The following CACNA2D1 variants were observed in gnomAD, a reference collection of about 807,000 sequenced individuals.
The protein encoded by CACNA2D1 is calcium voltage-gated channel auxiliary subunit alpha2delta 1.
A neutral mutation model predicts 171.5 loss-of-function variants in CACNA2D1; 53 were observed. That is an observed-to-expected ratio of 0.31 (90% CI 0.25 to 0.39). The LOEUF is 0.39. Among genes scored for constraint, CACNA2D1 ranks in the 10% least tolerant of loss-of-function variants. CACNA2D1 has a pLI of 1.00. For synonymous variants in CACNA2D1, 442 were observed against 443.1 expected (o/e 1.00, Z 0.03); for missense variants, 903 against 1,299.8 (o/e 0.69, Z 4.69).
intron 2 of CACNA2D1, among the ~76,000 whole-genome samples, chr7:82,342,353 C>T (rs1198533204): frequency 6.6e-6 from 1 of 152,090 alleles, no homozygotes; most frequent in Non-Finnish European, 1.5e-5. Context: ...ACGTAACCAG[C>T]GCATAGCACA....
intron 4 of CACNA2D1, among the ~76,000 whole-genome samples, chr7:82,139,968 A>ATTC (rs1469891131): frequency 1.9e-4 from 28 of 149,712 alleles, no homozygotes; most frequent in Non-Finnish European, 3.3e-4. Flanking sequence ...TATTATTATT[A>ATTC]TTATTATTAA....
intron 6 of CACNA2D1, among the ~76,000 whole-genome samples, chr7:82,087,074 T>A (rs1168826504): frequency 6.6e-6 from 1 of 152,152 alleles, no homozygotes; most frequent in Admixed American, 6.5e-5. Context: ...ATTCCCAGAC[T>A]AGGCACTAGA....
intron 1 of CACNA2D1, among the ~76,000 whole-genome samples, chr7:82,410,263 G>T (rs1827504098): frequency 2.0e-5 from 3 of 152,162 alleles, no homozygotes; most frequent in Admixed American, 2.0e-4. Flanking sequence ...ACAAGAAAAG[G>T]TATGTTTGTG....
chr7:82,181,040 G>GTTTTTTTTTTTTT (rs1797073500), intron 3 of CACNA2D1, among the ~76,000 whole-genome samples: 1 of 45,946 alleles, frequency 2.2e-5, no homozygotes, highest in African/African-American at 6.4e-5. Flanking sequence ...GGGCATGTCG[G>GTTTTTTTTTTTTT]ATTTTTTTTT....
chr7:82,046,503 G>A (rs1804575724), intron 10 of CACNA2D1, among the ~76,000 whole-genome samples: 1 of 152,136 alleles, frequency 6.6e-6, no homozygotes, highest in Non-Finnish European at 1.5e-5. Flanking sequence ...ACCAAGTCTA[G>A]TCCAGGCCTT....
intron 3 of CACNA2D1, among the ~76,000 whole-genome samples, chr7:82,193,704 C>G (rs191773562): frequency 6.6e-6 from 1 of 152,094 alleles, no homozygotes; most frequent in African/African-American, 2.4e-5. Context: ...TTCCCCCCAA[C>G]AAGCGAAATT....
intron 3 of CACNA2D1, among the ~76,000 whole-genome samples, chr7:82,222,407 A>G (rs1801865732): frequency 2.0e-5 from 3 of 152,270 alleles, no homozygotes; most frequent in African/African-American, 7.2e-5. Flanking sequence ...TCCATACTCT[A>G]TGCTATTAGA....
chr7:82,250,960 T>G lies in CACNA2D1; in HGVS notation c.295-80351A>C, dbSNP rs529543498. 2.0e-5 allele frequency among the ~76,000 whole-genome samples: 3 copies of G among 152,298 alleles called. No individual in the cohort carries two copies. In the South Asian group the frequency reaches 6.2e-4, roughly 32 times the overall value. On this transcript the variant is annotated intron_variant, in intron 3 of 38. Coordinates refer to ENST00000356860, the MANE Select transcript of CACNA2D1 (RefSeq NM_000722.4). Reference sequence around the variant, plus strand: ...CCTTTTCCCATATATTTTCAAAAATTAGAGAGTCTGTTGTACATATTTATC... The same window carrying G: ...CCTTTTCCCATATATTTTCAAAAATGAGAGAGTCTGTTGTACATATTTATC...
At chr7:82,421,978 C>T (rs1395733585) in intron 1 of CACNA2D1, among the ~76,000 whole-genome samples, 1 of 152,024 alleles carries the variant, frequency 6.6e-6, no homozygotes, top group African/African-American at 2.4e-5. Context: ...TCCATGGATC[C>T]TTGAGAAAAG....
At chr7:81,964,886 T>C (rs1339680512) in intron 32 of CACNA2D1, among the ~76,000 whole-genome samples, 1 of 151,792 alleles carries the variant, frequency 6.6e-6, no homozygotes, top group Non-Finnish European at 1.5e-5. Flanking sequence ...ACTATGCAAA[T>C]CAAAGCTTTT....
At chr7:82,087,300 A>G (rs1331690629) in intron 6 of CACNA2D1, among the ~76,000 whole-genome samples, 1 of 152,136 alleles carries the variant, frequency 6.6e-6, no homozygotes, top group Non-Finnish European at 1.5e-5. Flanking sequence ...TTCAAAGACG[A>G]TCTGCCATAG....
chr7:82,375,958 T>A (rs1822973751), intron 1 of CACNA2D1, among the ~76,000 whole-genome samples: 1 of 152,122 alleles, frequency 6.6e-6, no homozygotes, highest in Non-Finnish European at 1.5e-5. Flanking sequence ...TCACTGTGTT[T>A]CTGTGTCATC....
chr7:82,288,815 G>T (rs1811174300), intron 3 of CACNA2D1, among the ~76,000 whole-genome samples: 1 of 152,176 alleles, frequency 6.6e-6, no homozygotes, highest in Non-Finnish European at 1.5e-5. Flanking sequence ...TTGAGGTTGT[G>T]AAAATCAAGC....
chr7:82,033,392 A>G (rs944826311), intron 11 of CACNA2D1, among the ~76,000 whole-genome samples: 17 of 152,110 alleles, frequency 1.1e-4, no homozygotes, highest in Non-Finnish European at 1.8e-4. Context: ...GTTTATTAAA[A>G]AAATGAGCTT....
chr7:82,443,294 G>C, intron 1 of CACNA2D1, 71 bp downstream of exon 1: 1 of 1,482,386 alleles, frequency 6.7e-7, no homozygotes, highest in Non-Finnish European at 9.2e-7. Context: ...CCGCGACTCG[G>C]GAACCGACCC....
At chr7:82,163,416 C>A (rs892733649) in intron 4 of CACNA2D1, among the ~76,000 whole-genome samples, 5 of 151,998 alleles carry the variant, frequency 3.3e-5, no homozygotes, top group Non-Finnish European at 5.9e-5. Flanking sequence ...TCTTTTCATG[C>A]ATTCAGTTCC....
intron 20 of CACNA2D1, among the ~76,000 whole-genome samples, chr7:81,993,251 T>C (rs1029953979): frequency 2.0e-5 from 3 of 152,164 alleles, no homozygotes; most frequent in African/African-American, 7.2e-5. Context: ...CAGGTGTAAA[T>C]AGAGGTTCTG....
At chr7:82,163,552 A>C (rs1795152964) in intron 4 of CACNA2D1, among the ~76,000 whole-genome samples, 1 of 152,064 alleles carries the variant, frequency 6.6e-6, no homozygotes, top group Admixed American at 6.6e-5. Context: ...TTCTGCCTTT[A>C]GAGAGAGAAT....
In CACNA2D1 at chr7:82,272,376, T is replaced by C. The variant is rs531364863; in HGVS notation, c.294+62759A>G. ...GAGAAGCTGGAAAAAATTACTGTAG[T>C]GGCTTAAACATATGTCTACAAATTT... On this transcript the variant is annotated intron_variant, in intron 3 of 38. Coordinates refer to ENST00000356860, the MANE Select transcript of CACNA2D1 (RefSeq NM_000722.4). 2.0e-5 allele frequency among the ~76,000 whole-genome samples: 3 copies of C among 152,316 alleles called. No homozygotes were observed. In the East Asian group the frequency reaches 5.8e-4, roughly 29 times the overall value.
Sources: allele counts gnomAD v4.1 joint callset (sites outside exome capture counted in the v4.1 genomes callset), GRCh38; gene constraint gnomAD v4.1.1; transcripts MANE v1.5; gene names NCBI Gene and HGNC (gene_info 2026-07-23, HGNC 2026-07-21).